Variants in HDAC4 observed in about 807,000 individuals in gnomAD.
The protein encoded by HDAC4 is histone deacetylase 4, also known as histone deacetylase A.
Under a neutral mutation model 135.1 loss-of-function variants are expected in HDAC4, and 16 were observed. The ratio of observed to expected loss-of-function variants is 0.12; its 90% CI spans 0.08 to 0.18. The LOEUF (loss-of-function observed/expected upper bound fraction) is 0.18. Ranked by LOEUF, HDAC4 falls within the 10% of genes least tolerant of loss-of-function variation. The probability of loss-of-function intolerance (pLI) is 1.00; values close to 1 mark genes in which losing one functional copy is unlikely to be tolerated. For synonymous variants in HDAC4, 685 were observed against 653.4 expected (o/e 1.05, Z -0.74); for missense variants, 1,143 against 1,511.8 (o/e 0.76, Z 4.05).
chr2:239,176,593 A>C, intron 4 of HDAC4, 30 bp from the exon 5 acceptor site: 1 of 1,605,564 alleles, frequency 6.2e-7, no homozygotes, highest in Non-Finnish European at 8.5e-7. Flanking sequence ...ACAGACGGTC[A>C]GAGCCCAGGC....
intron 2 of HDAC4, among the ~76,000 whole-genome samples, chr2:239,346,686 T>C (rs1413044587): frequency 6.9e-6 from 1 of 145,560 alleles, no homozygotes; most frequent in Non-Finnish European, 1.5e-5. Flanking sequence ...ACACACACTG[T>C]CTAAAACACA....
intron 24 of HDAC4, among the ~76,000 whole-genome samples, chr2:239,065,872 G>A (rs946999298): frequency 2.0e-5 from 3 of 152,258 alleles, no homozygotes; most frequent in Admixed American, 1.3e-4. Context: ...GTCGTGTCTT[G>A]GGGATCTGGA....
chr2:239,347,966 G>A (rs1048023244), intron 2 of HDAC4, among the ~76,000 whole-genome samples: 6 of 147,262 alleles, frequency 4.1e-5, no homozygotes, highest in African/African-American at 1.3e-4. Context: ...GCAAATCCAC[G>A]TCCCAGCAAA....
At chr2:239,276,346 A>C (rs1337593300) in intron 2 of HDAC4, among the ~76,000 whole-genome samples, 1 of 152,206 alleles carries the variant, frequency 6.6e-6, no homozygotes, top group African/African-American at 2.4e-5. Flanking sequence ...TAACTGACTC[A>C]GCAGCCCCTC....
chr2:239,198,904 C>T (rs1407151366), intron 3 of HDAC4, among the ~76,000 whole-genome samples: 4 of 152,216 alleles, frequency 2.6e-5, no homozygotes, highest in South Asian at 2.1e-4. Flanking sequence ...AAGCAGGCCC[C>T]AGTCGTCACT....
At chr2:239,324,154 G>A (rs1370492067) in intron 2 of HDAC4, among the ~76,000 whole-genome samples, 1 of 152,066 alleles carries the variant, frequency 6.6e-6, no homozygotes, top group Non-Finnish European at 1.5e-5. Flanking sequence ...AGAAATCTGG[G>A]GTCTCTGGAA....
chr2:239,054,615 TCTG>T lies in HDAC4; in HGVS notation c.3088+131_3088+133del, dbSNP rs2031487751. The T allele has an allele frequency of 5.4e-6, 4 of 736,772 alleles. No homozygotes were observed. The South Asian group carries it at 5.6e-5, about 10-fold the overall frequency. The allele number at this position is 736,772 out of a possible 1,614,324, so 45.6% of individuals were successfully genotyped here. On this transcript the variant is annotated intron_variant, in intron 25 of 26. Coordinates refer to ENST00000543185, the MANE Select transcript of HDAC4 (RefSeq NM_001378414.1). ...AGAAATGCAGCTGAAAGCAAGGCCTTCTGCTGCAGGCCTGGGGAAGCAGCCGGC... is the reference window on the plus strand; with the variant it reads ...AGAAATGCAGCTGAAAGCAAGGCCTTCTGCAGGCCTGGGGAAGCAGCCGGC...
chr2:239,275,534 C>T (rs906872319), intron 2 of HDAC4, among the ~76,000 whole-genome samples: 2 of 152,208 alleles, frequency 1.3e-5, no homozygotes, highest in African/African-American at 4.8e-5. Flanking sequence ...ACAGCAGACC[C>T]TAACCCCACC....
At chr2:239,156,573 G>C (rs565172558) in intron 7 of HDAC4, 79 bp downstream of exon 7, 1 of 1,563,316 alleles carries the variant, frequency 6.4e-7, no homozygotes, top group African/African-American at 1.4e-5. Context: ...GGAAGACAGC[G>C]GTGGGCCCTG....
intron 17 of HDAC4, among the ~76,000 whole-genome samples, chr2:239,090,763 C>T (rs1203753851): frequency 2.0e-5 from 3 of 152,098 alleles, no homozygotes; most frequent in Non-Finnish European, 2.9e-5. Flanking sequence ...CTGGTAAGTA[C>T]AATGCAAATA....
intron 22 of HDAC4, among the ~76,000 whole-genome samples, chr2:239,078,146 C>T (rs576594991): frequency 1.3e-5 from 2 of 152,302 alleles, no homozygotes; most frequent in Middle Eastern, 3.4e-3. Flanking sequence ...CATCTCCCTA[C>T]AAGCCCCCAC....
chr2:239,203,047 G>C (rs1192262922), intron 3 of HDAC4, among the ~76,000 whole-genome samples: 1 of 152,216 alleles, frequency 6.6e-6, no homozygotes, highest in Non-Finnish European at 1.5e-5. Context: ...GCTGAGTGGA[G>C]CCTCAGCCCT....
At chr2:239,344,675 G>A (rs1222003951) in intron 2 of HDAC4, among the ~76,000 whole-genome samples, 2 of 152,182 alleles carry the variant, frequency 1.3e-5, no homozygotes, top group Admixed American at 6.5e-5. Flanking sequence ...GCCCCGTGCC[G>A]GGTGGCTGGG....
intron 2 of HDAC4, among the ~76,000 whole-genome samples, chr2:239,318,370 T>C (rs1241586695): frequency 6.6e-6 from 1 of 152,212 alleles, no homozygotes; most frequent in African/African-American, 2.4e-5. Flanking sequence ...TAGCTGCCCC[T>C]ACGCTTCCAA....
chr2:239,376,061 T>C (rs980011953), intron 1 of HDAC4, among the ~76,000 whole-genome samples: 1 of 152,220 alleles, frequency 6.6e-6, no homozygotes, highest in African/African-American at 2.4e-5. Flanking sequence ...GCAATGATGT[T>C]CCACCATCCA....
chr2:239,387,203 A>G (rs2126086068), intron 1 of HDAC4, among the ~76,000 whole-genome samples: 1 of 152,298 alleles, frequency 6.6e-6, no homozygotes, highest in South Asian at 2.1e-4. Flanking sequence ...AAAGACAGAG[A>G]AGAGGGGACT....
At chr2:239,099,353 G>A (rs1390345559) in intron 16 of HDAC4, among the ~76,000 whole-genome samples, 1 of 152,252 alleles carries the variant, frequency 6.6e-6, no homozygotes. Flanking sequence ...GACACGGCCT[G>A]ATGAGCTGAT....
chr2:239,239,923 C>T (rs925531992), intron 2 of HDAC4, among the ~76,000 whole-genome samples: 2 of 152,336 alleles, frequency 1.3e-5, no homozygotes, highest in African/African-American at 4.8e-5. Context: ...GTCTCAGTGC[C>T]GGACGCTAAC....
chr2:239,366,463 T>C (rs951015161), intron 1 of HDAC4, among the ~76,000 whole-genome samples: 7 of 152,246 alleles, frequency 4.6e-5, no homozygotes, highest in African/African-American at 1.7e-4. Flanking sequence ...TGCCTAGGTG[T>C]GTTTATTGCC....
Sources: allele counts gnomAD v4.1 joint callset (sites outside exome capture counted in the v4.1 genomes callset), GRCh38; gene constraint gnomAD v4.1.1; transcripts MANE v1.5; gene names NCBI Gene and HGNC (gene_info 2026-07-23, HGNC 2026-07-21).